ADAMTS12: variants seen among roughly 807,000 people sequenced by gnomAD.
The protein encoded by ADAMTS12 is ADAM metallopeptidase with thrombospondin type 1 motif 12.
In ADAMTS12, 118 loss-of-function variants were observed where a neutral mutation model predicts 167.8. The ratio of observed to expected loss-of-function variants is 0.70; its 90% confidence interval spans 0.61 to 0.82. The LOEUF (loss-of-function observed/expected upper bound fraction) is 0.82, where lower values mean the gene tolerates loss of function less well. Ranked by LOEUF, ADAMTS12 falls within the 40% of genes least tolerant of loss-of-function variation. The pLI, the probability that ADAMTS12 is intolerant of heterozygous loss-of-function variation, is 0.00. For synonymous variants in ADAMTS12, 704 were observed against 716.9 expected, an observed-to-expected ratio of 0.98 and a Z score of 0.29; for missense variants, 1,916 against 1,998.8, an observed-to-expected ratio of 0.96 and a Z score of 0.79.
chr5:33,562,626 T>A (rs1460426569), intron 19 of ADAMTS12, among the ~76,000 whole-genome samples: 1 of 150,722 alleles, frequency 6.6e-6, no homozygotes, highest in Non-Finnish European at 1.5e-5. Flanking sequence ...AACTTCACTC[T>A]CCATATAATT....
At chr5:33,848,361 A>T (rs1314460113) in intron 2 of ADAMTS12, among the ~76,000 whole-genome samples, 1 of 152,226 alleles carries the variant, frequency 6.6e-6, no homozygotes, top group Non-Finnish European at 1.5e-5. Context: ...ACATGAGGGC[A>T]GAGGATAGAC....
chr5:33,626,804 G>A (rs1488274187), intron 13 of ADAMTS12, among the ~76,000 whole-genome samples: 1 of 144,404 alleles, frequency 6.9e-6, no homozygotes, highest in Non-Finnish European at 1.5e-5. Context: ...TGATGCGGTA[G>A]GGTAGTGGTG....
chr5:33,738,024 T>C (rs1045038681), intron 3 of ADAMTS12, among the ~76,000 whole-genome samples: 1 of 152,188 alleles, frequency 6.6e-6, no homozygotes, highest in Non-Finnish European at 1.5e-5. Flanking sequence ...TGTTAAGCCC[T>C]CACCTTAACT....
intron 19 of ADAMTS12, among the ~76,000 whole-genome samples, chr5:33,570,646 C>T (rs550671469): frequency 1.3e-5 from 2 of 152,074 alleles, no homozygotes; most frequent in East Asian, 3.9e-4. Context: ...AAAATCATGC[C>T]AAAATGTAAA....
At chr5:33,695,784 G>A (rs186889971) in intron 3 of ADAMTS12, among the ~76,000 whole-genome samples, 2 of 152,260 alleles carry the variant, frequency 1.3e-5, no homozygotes. Flanking sequence ...GGGATGGATG[G>A]TGATGATGGT....
intron 3 of ADAMTS12, among the ~76,000 whole-genome samples, chr5:33,708,864 G>A (rs980192771): frequency 2.6e-5 from 4 of 151,972 alleles, no homozygotes; most frequent in South Asian, 4.2e-4. Flanking sequence ...GTCGATGTGT[G>A]CAGCAAACCA....
chr5:33,782,316 C>T (rs1746163791), intron 2 of ADAMTS12, among the ~76,000 whole-genome samples: 1 of 151,496 alleles, frequency 6.6e-6, no homozygotes, highest in African/African-American at 2.4e-5. Context: ...TAAAAATCAA[C>T]AGAAAAAATT....
At chr5:33,616,107 G>C in intron 14 of ADAMTS12, 35 bp from the exon 15 acceptor site, 1 of 1,607,838 alleles carries the variant, frequency 6.2e-7, no homozygotes. Context: ...AAAGAGGCAC[G>C]CCAGCTTCTC....
In ADAMTS12 at chr5:33,822,635, G is replaced by C. The variant is rs918109332; in HGVS notation, c.489+58484C>G. ...TCCATGTGCACATATATATTTTCTT[G>C]GTCCACAAATTAAAAGATACTATGA... On this transcript the variant is annotated intron_variant, in intron 2 of 23. Coordinates refer to ENST00000504830, the MANE Select transcript of ADAMTS12 (RefSeq NM_030955.4). Among the ~76,000 whole-genome samples the C allele has an allele frequency of 7.9e-5, 12 of 151,902 alleles. 1 individual carries two copies. The highest frequency in any genetic ancestry group is 1.9e-4 in the East Asian group (1 of 5,176).
chr5:33,869,863 C>G (rs1160768751), intron 2 of ADAMTS12, among the ~76,000 whole-genome samples: 1 of 152,108 alleles, frequency 6.6e-6, no homozygotes. Context: ...CCTAATATAC[C>G]TGGGGGCGCT....
At chr5:33,840,492 A>G (rs1439575760) in intron 2 of ADAMTS12, among the ~76,000 whole-genome samples, 1 of 152,224 alleles carries the variant, frequency 6.6e-6, no homozygotes, top group Non-Finnish European at 1.5e-5. Flanking sequence ...AACTCACCTA[A>G]GTTCCCTGTG....
intron 2 of ADAMTS12, among the ~76,000 whole-genome samples, chr5:33,860,070 A>G (rs562025162): frequency 6.6e-6 from 1 of 152,164 alleles, no homozygotes; most frequent in Non-Finnish European, 1.5e-5. Flanking sequence ...CAGCACAAAA[A>G]GGCTGAAAAT....
intron 2 of ADAMTS12, among the ~76,000 whole-genome samples, chr5:33,838,936 C>T (rs1748635683): frequency 6.6e-6 from 1 of 152,110 alleles, no homozygotes; most frequent in African/African-American, 2.4e-5. Flanking sequence ...AGTCACTGCC[C>T]CTTCTGCTGG....
chr5:33,839,874 G>A (rs141678890), intron 2 of ADAMTS12, among the ~76,000 whole-genome samples: 9 of 152,282 alleles, frequency 5.9e-5, no homozygotes, highest in Admixed American at 2.6e-4. Flanking sequence ...TTCATGAAAC[G>A]GGAAGAAGAC....
At chr5:33,637,464 T>G in intron 12 of ADAMTS12, 113 bp downstream of exon 12, 1 of 1,101,074 alleles carries the variant, frequency 9.1e-7, no homozygotes, top group East Asian at 2.5e-5. Flanking sequence ...AAATTCCTGG[T>G]GTACAATTGT....
In ADAMTS12 at chr5:33,579,329, T is replaced by C. The variant is rs1276813071; in HGVS notation, c.2866-2169A>G. 2.0e-5 allele frequency among the ~76,000 whole-genome samples: 3 copies of C among 152,356 alleles called. No homozygotes were observed. The Middle Eastern group carries it at 0.01, about 518-fold the overall frequency. ...GGCAGGCTCAGTCTTGAGAGCTGAC[T>C]GATAACTGAGGTCCCAGCTACTGCC... On this transcript the variant is annotated intron_variant, in intron 18 of 23. Coordinates refer to ENST00000504830, the MANE Select transcript of ADAMTS12 (RefSeq NM_030955.4).
At chr5:33,858,960 G>C (rs1014999975) in intron 2 of ADAMTS12, among the ~76,000 whole-genome samples, 1 of 152,116 alleles carries the variant, frequency 6.6e-6, no homozygotes, top group Admixed American at 6.5e-5. Context: ...TGTGCCTTGA[G>C]GAACGGTGCA....
At chr5:33,588,966 C>A (rs1427898286) in intron 17 of ADAMTS12, among the ~76,000 whole-genome samples, 157 bp from the exon 18 acceptor site, 2 of 152,176 alleles carry the variant, frequency 1.3e-5, no homozygotes, top group South Asian at 2.1e-4. Context: ...ACAGGGCCAC[C>A]GTGTCTTCAA....
At chr5:33,636,469 G>C (rs1248630648) in intron 12 of ADAMTS12, among the ~76,000 whole-genome samples, 1 of 152,150 alleles carries the variant, frequency 6.6e-6, no homozygotes, top group African/African-American at 2.4e-5. Flanking sequence ...TTCCCCTCTA[G>C]ATCATAAATG....
Sources: allele counts gnomAD v4.1 joint callset (sites outside exome capture counted in the v4.1 genomes callset), GRCh38; gene constraint gnomAD v4.1.1; transcripts MANE v1.5; gene names NCBI Gene and HGNC (gene_info 2026-07-23, HGNC 2026-07-21).